Variants in TET3 observed in about 807,000 individuals in gnomAD.
TET3 encodes the protein methylcytosine dioxygenase TET3.
Under a neutral mutation model 141.4 loss-of-function variants are expected in TET3, and 19 were observed. The ratio of observed to expected loss-of-function variants is 0.13; its 90% CI spans 0.09 to 0.20. The LOEUF (loss-of-function observed/expected upper bound fraction) is 0.20, where lower values mean the gene tolerates loss of function less well. Among genes scored for constraint, TET3 ranks in the 10% least tolerant of loss-of-function variants. The pLI is 1.00. For synonymous variants in TET3, 1,043 were observed against 980.9 expected (o/e 1.06, Z -1.18); for missense variants, 1,874 against 2,356.9 (o/e 0.80, Z 4.24).
At chr2:74,090,193 C>A in intron 8 of TET3, 146 bp downstream of exon 8, 2 of 1,288,860 alleles carry the variant, frequency 1.6e-6, no homozygotes, top group Admixed American at 2.3e-5. Context: ...CTGACCTTAT[C>A]TTGCTGTGAA....
intron 2 of TET3, among the ~76,000 whole-genome samples, chr2:73,996,419 G>A (rs1191284012): frequency 6.6e-6 from 1 of 152,200 alleles, no homozygotes; most frequent in Non-Finnish European, 1.5e-5. Flanking sequence ...CATAGGCACT[G>A]CACAGACAGT....
intron 4 of TET3, among the ~76,000 whole-genome samples, chr2:74,055,087 A>T (rs1298481739): frequency 6.6e-6 from 1 of 151,936 alleles, no homozygotes; most frequent in Non-Finnish European, 1.5e-5. Flanking sequence ...TGTAGAGGAG[A>T]TGGGGTCTTG....
At position 73,986,511 on chromosome 2, in the gene TET3, C is replaced by G. The variant is rs1404000992; in HGVS notation, c.108C>G (p.Ser36=). Residue 36 remains serine (S), a synonymous_variant, in exon 2 of 12, where the codon TCC becomes TCG. Transcript: ENST00000409262. ...MVGSFPGSGL[S]MAGSESQLRG... ...GGAGCTTCCCGGGGTCTGGGCTCTCCATGGCTGGGAGTGAGTCCCAACTCC... is the reference window on the plus strand; with the variant it reads ...GGAGCTTCCCGGGGTCTGGGCTCTCGATGGCTGGGAGTGAGTCCCAACTCC... The G allele has an allele frequency of 1.6e-6, 2 of 1,232,100 alleles. No homozygotes were observed. Among genetic ancestry groups the G allele is most frequent in the Admixed American group, 4.2e-5 (1 of 23,694 alleles). The allele number at this position is 1,232,100 out of a possible 1,614,324, so 76.3% of individuals were successfully genotyped here.
chr2:74,036,349 G>T (rs1297729500), intron 3 of TET3, among the ~76,000 whole-genome samples: 1 of 152,158 alleles, frequency 6.6e-6, no homozygotes, highest in Non-Finnish European at 1.5e-5. Context: ...GATTACTGAT[G>T]ATACTGAGTA....
intron 2 of TET3, among the ~76,000 whole-genome samples, chr2:73,990,541 G>C (rs917201119): frequency 6.6e-6 from 1 of 151,950 alleles, no homozygotes; most frequent in Non-Finnish European, 1.5e-5. Context: ...CCATGGATGA[G>C]GGAAGTAAAT....
In TET3 at chr2:74,106,152, C is replaced by A. The variant is rs1437223731; in HGVS notation, c.*3976C>A. The A allele has an allele frequency of 6.6e-6, 1 of 151,202 alleles. No individual in the cohort carries two copies. The allele number at this position is 151,202 out of a possible 1,614,324, so 9.4% of individuals were successfully genotyped here. A position where few individuals can be genotyped will look rare whatever the true frequency, so the allele number is the denominator to read the frequency against. ...TTAGACCCGTTTACCGTGCTATAAT[C>A]TGCTCTGAGCAGTGTTGTGTTGTGT... On this transcript the variant is annotated 3_prime_UTR_variant, in exon 12 of 12. Transcript: ENST00000409262.
At chr2:74,090,959 T>C (rs1163517138) in intron 8 of TET3, among the ~76,000 whole-genome samples, 2 of 152,122 alleles carry the variant, frequency 1.3e-5, no homozygotes, top group Non-Finnish European at 2.9e-5. Context: ...TCCAAGCTCC[T>C]AGTACCAGAA....
chr2:74,049,858 A>G (rs942621044), intron 4 of TET3, among the ~76,000 whole-genome samples: 2 of 152,126 alleles, frequency 1.3e-5, no homozygotes, highest in African/African-American at 4.8e-5. Context: ...GTGAACAGAT[A>G]TGCTGCCAGG....
intron 6 of TET3, among the ~76,000 whole-genome samples, chr2:74,082,811 C>G (rs892499791): frequency 1.3e-5 from 2 of 151,988 alleles, no homozygotes; most frequent in South Asian, 4.2e-4. Flanking sequence ...CCCTGCCCTG[C>G]AGGGAAAGTG....
At chr2:74,080,707 G>GGGGGC in intron 6 of TET3, 116 bp downstream of exon 6, 1 of 333,830 alleles carries the variant, frequency 3.0e-6, no homozygotes, top group African/African-American at 2.7e-5. Context: ...GGCGGGGGGT[G>GGGGGC]GGGCCAGGTG....
At position 74,107,714 on chromosome 2, in the gene TET3, T is replaced by C. The variant is rs574781577; in HGVS notation, c.*5538T>C. On this transcript the variant is annotated 3_prime_UTR_variant, in exon 12 of 12. Transcript: ENST00000409262. ...TCTCTTTGAATTCCTGTTTGGTTAC[T>C]TGGCTTCCAATGGAGGTGAACTTAA... The C allele has an allele frequency of 6.6e-6, 1 of 152,334 alleles. No individual in the cohort carries two copies. The highest frequency in any genetic ancestry group is 2.4e-5 in the African/African-American group (1 of 41,580). 9.4% of individuals were successfully genotyped at this position (152,334 alleles called of 1,614,324 possible). A position where few individuals can be genotyped will look rare whatever the true frequency, so the allele number is the denominator to read the frequency against.
the TET3 span, chr2:74,134,684 A>G: frequency 2.2e-6 from 1 of 456,508 alleles, no homozygotes. Flanking sequence ...CAGTCACAAG[A>G]TGTCTGAGAA....
At chr2:73,994,124 C>T (rs1684462528) in intron 2 of TET3, among the ~76,000 whole-genome samples, 1 of 152,076 alleles carries the variant, frequency 6.6e-6, no homozygotes, top group African/African-American at 2.4e-5. Context: ...AGTACAAAGG[C>T]CTGTACTTGT....
chr2:74,114,614 G>T, the TET3 span, among the ~76,000 whole-genome samples: 117 of 152,092 alleles, frequency 7.7e-4, 1 homozygote, highest in Admixed American at 7.6e-3. Context: ...CACTCTGGGA[G>T]ACCGAGGCAG....
At chr2:74,092,652 G>T (rs939411768) in intron 8 of TET3, among the ~76,000 whole-genome samples, 2 of 152,244 alleles carry the variant, frequency 1.3e-5, no homozygotes, top group African/African-American at 4.8e-5. Flanking sequence ...TGAAGGAGCA[G>T]TAGTTTAGCA....
At chr2:74,091,877 A>AG in intron 8 of TET3, among the ~76,000 whole-genome samples, 1 of 151,144 alleles carries the variant, frequency 6.6e-6, no homozygotes, top group Admixed American at 6.6e-5. Context: ...TGCTTCACAT[A>AG]GAGCAGTGCT....
chr2:73,990,056 T>A (rs1367626578), intron 2 of TET3, among the ~76,000 whole-genome samples: 1 of 152,096 alleles, frequency 6.6e-6, no homozygotes, highest in African/African-American at 2.4e-5. Flanking sequence ...AAATGATGAA[T>A]CTTTATGCAT....
intron 2 of TET3, among the ~76,000 whole-genome samples, chr2:74,001,513 C>G (rs1266555410): frequency 2.0e-5 from 3 of 152,106 alleles, no homozygotes; most frequent in South Asian, 2.1e-4. Context: ...AGAGAGGCTA[C>G]GAGAGGTAAG....
intron 3 of TET3, among the ~76,000 whole-genome samples, chr2:74,038,734 C>G (rs890381582): frequency 6.6e-6 from 1 of 152,132 alleles, no homozygotes. Context: ...CTAGAGACTC[C>G]GGTAGGTTTT....
Sources: gnomAD v4.1 joint callset for allele counts (sites outside exome capture counted in the v4.1 genomes callset) on GRCh38, gnomAD v4.1.1 for gene constraint, MANE v1.5 for transcripts, NCBI Gene and HGNC (gene_info 2026-07-23, HGNC 2026-07-21) for gene names.